The following FCHSD2 variants were observed in gnomAD, a reference collection of about 807,000 sequenced individuals.
The protein encoded by FCHSD2 is F-BAR and double SH3 domains protein 2.
FCHSD2 carries 38 observed loss-of-function variants against 108.1 expected under a neutral mutation model. The observed-to-expected ratio is 0.35, with a 90% confidence interval of 0.27 to 0.46. The LOEUF (loss-of-function observed/expected upper bound fraction) is 0.46. Among genes scored for constraint, FCHSD2 ranks in the 20% least tolerant of loss-of-function variants. The pLI is 1.00. For synonymous variants in FCHSD2, 279 were observed against 314.7 expected, an observed-to-expected ratio of 0.89 and a Z score of 1.20; for missense variants, 751 against 897.8, an observed-to-expected ratio of 0.84 and a Z score of 2.09.
chr11:72,955,254 A>G (rs1856691020), intron 8 of FCHSD2, among the ~76,000 whole-genome samples: 1 of 152,240 alleles, frequency 6.6e-6, no homozygotes, highest in African/African-American at 2.4e-5. Flanking sequence ...AGTGGGTCAC[A>G]GAACCCAAGG....
In FCHSD2 at chr11:73,141,972, C is replaced by A; in HGVS notation, c.-95G>T. 3.1e-6 allele frequency: 4 copies of A among 1,299,574 alleles called. No homozygotes were observed. Among genetic ancestry groups the A allele is most frequent in the Non-Finnish European group, 4.2e-6 (4 of 946,692 alleles). The allele number at this position is 1,299,574 out of a possible 1,614,324, so 80.5% of individuals were successfully genotyped here. On this transcript the variant is annotated 5_prime_UTR_variant, in exon 1 of 20. Coordinates refer to ENST00000409418, the MANE Select transcript of FCHSD2 (RefSeq NM_014824.3). ...AGAGGAGGGGACGGCCCAGCGAGCGCGCGCGTGTGTGAAAGGAGCGCTTAA... is the reference window on the plus strand; with the variant it reads ...AGAGGAGGGGACGGCCCAGCGAGCGAGCGCGTGTGTGAAAGGAGCGCTTAA...
intron 2 of FCHSD2, among the ~76,000 whole-genome samples, chr11:73,124,608 T>C (rs536764701): frequency 6.6e-6 from 1 of 152,120 alleles, no homozygotes; most frequent in Non-Finnish European, 1.5e-5. Flanking sequence ...ATACAAAAAT[T>C]AGCTGGGCAT....
chr11:72,918,508 T>C (rs537519645), intron 9 of FCHSD2, among the ~76,000 whole-genome samples: 14 of 152,168 alleles, frequency 9.2e-5, no homozygotes, highest in African/African-American at 3.1e-4. Context: ...GAATATGACA[T>C]TGGTTGATGC....
intron 12 of FCHSD2, among the ~76,000 whole-genome samples, chr11:72,869,301 C>T (rs915954609): frequency 5.9e-5 from 9 of 152,118 alleles, no homozygotes; most frequent in East Asian, 3.9e-4. Context: ...TCTTCCTAAT[C>T]GATTAATTAC....
intron 3 of FCHSD2, among the ~76,000 whole-genome samples, chr11:73,043,678 C>T (rs976674096): frequency 1.3e-5 from 2 of 152,150 alleles, no homozygotes; most frequent in African/African-American, 4.8e-5. Flanking sequence ...ATTTTCCAGC[C>T]TCCTTTAAAA....
At chr11:72,959,592 G>A (rs1473663545) in intron 8 of FCHSD2, among the ~76,000 whole-genome samples, 1 of 152,086 alleles carries the variant, frequency 6.6e-6, no homozygotes, top group Non-Finnish European at 1.5e-5. Context: ...ATTTAGGGTT[G>A]CTTCTACAGT....
chr11:73,031,235 T>C (rs2135451295), intron 3 of FCHSD2, among the ~76,000 whole-genome samples: 1 of 152,216 alleles, frequency 6.6e-6, no homozygotes, highest in South Asian at 2.1e-4. Flanking sequence ...TCTAGCACTT[T>C]AGGAGGCTGA....
rs1429147500 is a variant in FCHSD2, at chr11:73,109,096, T to G, written c.120-25356A>C. Among the ~76,000 whole-genome samples, 5 of 152,352 alleles carry G rather than the reference T, an allele frequency of 3.3e-5. No homozygotes were observed. In the South Asian group the frequency reaches 8.3e-4, roughly 25 times the overall value. ...CTATTCTGTTCCATTGACCTGTGTGTCTGTTTTTATGCCAGTACCATGCTG... is the reference window on the plus strand; with the variant it reads ...CTATTCTGTTCCATTGACCTGTGTGGCTGTTTTTATGCCAGTACCATGCTG... On this transcript the variant is annotated intron_variant, in intron 2 of 19. Coordinates refer to ENST00000409418, the MANE Select transcript of FCHSD2 (RefSeq NM_014824.3).
chr11:73,141,874 G>C lies in FCHSD2; in HGVS notation c.4C>G (p.Gln2Glu). 1 of 1,545,666 alleles carries C rather than the reference G, an allele frequency of 6.5e-7. No individual in the cohort carries two copies. Among genetic ancestry groups the C allele is most frequent in the Non-Finnish European group, 8.7e-7 (1 of 1,146,162 alleles). The change falls in exon 1 of 20, where the codon CAG (glutamine) becomes GAG (glutamate). Residue 2 changes from glutamine to glutamate, a missense_variant. Gln to Glu is a conservative substitution (Grantham distance 29). Transcript: ENST00000409418. ...GCCCTTACCTTCCTCGGCGGCGGCTGCATGATGCTGAAGGGACATCAATCC... is the reference window on the plus strand; with the variant it reads ...GCCCTTACCTTCCTCGGCGGCGGCTCCATGATGCTGAAGGGACATCAATCC... Reference protein sequence around the residue: MQPPPRKVKVTQ... With the variant: MEPPPRKVKVTQ...
chr11:73,012,788 T>C (rs1316054197), intron 4 of FCHSD2, among the ~76,000 whole-genome samples: 1 of 152,214 alleles, frequency 6.6e-6, no homozygotes, highest in Non-Finnish European at 1.5e-5. Context: ...CTATTTTAAA[T>C]ATGAAGAAAA....
chr11:72,878,733 G>C (rs72969876), intron 12 of FCHSD2, among the ~76,000 whole-genome samples: 34,302 of 152,096 alleles, frequency 0.23, 4,623 homozygotes, highest in Middle Eastern at 0.37. Flanking sequence ...ACTCCAGGAG[G>C]AGAGGCAAAC....
intron 3 of FCHSD2, among the ~76,000 whole-genome samples, chr11:73,046,134 A>G (rs1161457621): frequency 6.6e-6 from 1 of 151,916 alleles, no homozygotes; most frequent in Non-Finnish European, 1.5e-5. Flanking sequence ...GGGACTAAAG[A>G]CACACACCAT....
chr11:73,041,730 GA>G (rs1858644424), intron 3 of FCHSD2, among the ~76,000 whole-genome samples: 1 of 152,072 alleles, frequency 6.6e-6, no homozygotes, highest in African/African-American at 2.4e-5. Flanking sequence ...TTGATGTGCA[GA>G]AGCTTTTTAA....
intron 10 of FCHSD2, among the ~76,000 whole-genome samples, chr11:72,897,196 A>T (rs1162117965): frequency 6.6e-6 from 1 of 152,090 alleles, no homozygotes; most frequent in African/African-American, 2.4e-5. Context: ...CCAGGCATTG[A>T]GTTAAATGCT....
chr11:72,954,378 A>G (rs1856675179), intron 8 of FCHSD2, among the ~76,000 whole-genome samples: 1 of 151,216 alleles, frequency 6.6e-6, no homozygotes, highest in African/African-American at 2.4e-5. Context: ...CTGGCTAATT[A>G]TTTTATTTTT....
In FCHSD2 at chr11:72,862,394, T is replaced by C. The variant is rs72969847; in HGVS notation, c.1308+5471A>G. On this transcript the variant is annotated intron_variant, in intron 13 of 19. Coordinates refer to ENST00000409418, the MANE Select transcript of FCHSD2 (RefSeq NM_014824.3). ...GAACTAATAAGTGAGTTTAGCAAGA[T>C]TGCAGGATATAAGATCAATATACAA... Among the ~76,000 whole-genome samples, 1,265 of 152,320 alleles carry C rather than the reference T, an allele frequency of 8.3e-3. 16 individuals are homozygous for C. Among genetic ancestry groups the C allele is most frequent in the African/African-American group, 0.029 (1,196 of 41,550 alleles).
intron 8 of FCHSD2, among the ~76,000 whole-genome samples, chr11:72,972,442 T>C (rs1188407720): frequency 2.0e-5 from 3 of 152,116 alleles, no homozygotes; most frequent in East Asian, 3.8e-4. Context: ...TTAGGAACCA[T>C]GGGAAAGTAG....
chr11:72,875,795 C>CTA (rs1854956136), intron 12 of FCHSD2, among the ~76,000 whole-genome samples: 2 of 152,180 alleles, frequency 1.3e-5, no homozygotes, highest in Non-Finnish European at 2.9e-5. Flanking sequence ...TTTGCTTTGG[C>CTA]TAGTGGGGCA....
intron 3 of FCHSD2, among the ~76,000 whole-genome samples, chr11:73,058,936 T>C (rs188929739): frequency 6.6e-6 from 1 of 152,288 alleles, no homozygotes; most frequent in African/African-American, 2.4e-5. Context: ...AGAAATATAA[T>C]TGCATATGAG....
Sources: gnomAD v4.1 joint callset for allele counts (sites outside exome capture counted in the v4.1 genomes callset) on GRCh38, gnomAD v4.1.1 for gene constraint, MANE v1.5 for transcripts, NCBI Gene and HGNC (gene_info 2026-07-23, HGNC 2026-07-21) for gene names.